PARP12: variants seen among roughly 807,000 people sequenced by gnomAD.
PARP12 encodes protein mono-ADP-ribosyltransferase PARP12.
PARP12 carries 59 observed loss-of-function variants against 72.4 expected under a neutral mutation model. That is an observed-to-expected ratio of 0.81 (90% CI 0.66 to 1.01). The LOEUF is 1.01. PARP12 is among the 50% of genes least tolerant of loss of function. PARP12 has a pLI of 0.00. For synonymous variants in PARP12, 403 were observed against 371.4 expected, an observed-to-expected ratio of 1.09 and a Z score of -0.98; for missense variants, 851 against 914.0, an observed-to-expected ratio of 0.93 and a Z score of 0.89.
At chr7:140,044,287 T>C (rs929900074) in intron 5 of PARP12, among the ~76,000 whole-genome samples, 4 of 152,208 alleles carry the variant, frequency 2.6e-5, no homozygotes, top group African/African-American at 7.2e-5. Context: ...TATTTGGAAA[T>C]AGGGTCTTTG....
At chr7:140,047,149 C>T in intron 4 of PARP12, 142 bp from the exon 5 acceptor site, 2 of 866,934 alleles carry the variant, frequency 2.3e-6, no homozygotes, top group African/African-American at 1.7e-5. Context: ...TCAGTGCCGG[C>T]ATGCCTGAGC....
Position 140,024,488 on chromosome 7 carries a change from A to C in PARP12, c.*72T>G. The C allele has an allele frequency of 6.7e-7, 1 of 1,486,620 alleles. No homozygotes were observed. 92.1% of individuals were successfully genotyped at this position (1,486,620 alleles called of 1,614,324 possible). Reference sequence around the variant, plus strand: ...ACAGTTCATTAAAAGTTTCTGTTTAAAAAGAAAAGGAAAGGCCCAAATAGC... The same window carrying C: ...ACAGTTCATTAAAAGTTTCTGTTTACAAAGAAAAGGAAAGGCCCAAATAGC... On this transcript the variant is annotated 3_prime_UTR_variant, in exon 12 of 12. Transcript: ENST00000263549.
chr7:140,058,355 T>TA (rs1562931899), intron 1 of PARP12, among the ~76,000 whole-genome samples: 3 of 151,804 alleles, frequency 2.0e-5, no homozygotes, highest in Non-Finnish European at 4.4e-5. Flanking sequence ...ACTAAAAATA[T>TA]AAAAAATTAG....
intron 4 of PARP12, among the ~76,000 whole-genome samples, chr7:140,048,752 T>G (rs1488881711): frequency 6.6e-6 from 1 of 152,218 alleles, no homozygotes; most frequent in African/African-American, 2.4e-5. Flanking sequence ...TATAATATAT[T>G]CCAAAAATTA....
rs151312847 is a variant in PARP12 at position 140,056,988 on chromosome 7, A to C, written c.628T>G (p.Leu210Val). ...TCTGAGCTCATACCCAACTTCTCCA[A>C]TTTTTCCAGATTCTCAGAATTAGAG... is the stretch of plus-strand genomic sequence containing the variant. The part of the protein sequence containing the change: ...DFSNSENLEK[L>V]EKLGMSSDLV... The change falls in exon 3 of 12, where the codon TTG (leucine) becomes GTG (valine). Residue 210 changes from leucine (L) to valine (V), a missense_variant. By Grantham distance (32) the Leu-to-Val change is conservative. This residue lies in a region of PARP12 where 492 missense variants were observed against 489.3 expected (regional missense o/e 1.01). Coordinates refer to ENST00000263549, the MANE Select transcript of PARP12 (RefSeq NM_022750.4). The C allele has an allele frequency of 7.6e-5, 122 of 1,614,046 alleles. No individual in the cohort carries two copies. The East Asian group carries it at 2.3e-3, about 31-fold the overall frequency.
At position 140,030,014 on chromosome 7, in the gene PARP12, G is replaced by A. The variant is rs374553169; in HGVS notation, c.1422-1326C>T. Among the ~76,000 whole-genome samples, 31 of 152,270 alleles carry A rather than the reference G, an allele frequency of 2.0e-4. 1 individual carries two copies. Among genetic ancestry groups the A allele is most frequent in the African/African-American group, 7.2e-4 (30 of 41,548 alleles). On this transcript the variant is annotated intron_variant, in intron 8 of 11. Coordinates refer to ENST00000263549, the MANE Select transcript of PARP12 (RefSeq NM_022750.4). ...GAGAACTGATGAGATGCACCTATCC[G>A]CAGCTTAAGAAGCCCAAAGAATCTC...
At chr7:140,055,547 CTTTTTA>C (rs1322188620) in intron 3 of PARP12, among the ~76,000 whole-genome samples, 1 of 152,080 alleles carries the variant, frequency 6.6e-6, no homozygotes, top group Non-Finnish European at 1.5e-5. Flanking sequence ...CTTCCCTTTT[CTTTTTA>C]TAAGCCCCTG....
intron 4 of PARP12, among the ~76,000 whole-genome samples, chr7:140,050,666 A>G (rs1816924019): frequency 6.6e-6 from 1 of 152,250 alleles, no homozygotes; most frequent in African/African-American, 2.4e-5. Flanking sequence ...CAGAATGATC[A>G]GAGTTAAGAG....
intron 5 of PARP12, 26 bp downstream of exon 5, chr7:140,046,858 G>T: frequency 1.3e-6 from 2 of 1,579,608 alleles, no homozygotes; most frequent in African/African-American, 1.4e-5. Flanking sequence ...CAGGCACAAA[G>T]CAGAGACAAG....
chr7:140,051,137 G>A (rs1369931371), intron 4 of PARP12, among the ~76,000 whole-genome samples: 1 of 152,168 alleles, frequency 6.6e-6, no homozygotes, highest in Admixed American at 6.6e-5. Context: ...TATGATGATG[G>A]CTGCCCAATT....
intron 8 of PARP12, among the ~76,000 whole-genome samples, chr7:140,032,002 G>C (rs1333313933): frequency 6.6e-6 from 1 of 151,666 alleles, no homozygotes; most frequent in Non-Finnish European, 1.5e-5. Flanking sequence ...ACAAAACGAG[G>C]GCCAACCTCC....
chr7:140,057,236 A>T, intron 2 of PARP12, 83 bp from the exon 3 acceptor site: 1 of 1,290,918 alleles, frequency 7.7e-7, no homozygotes, highest in Non-Finnish European at 1.1e-6. Context: ...CACTGGTGAG[A>T]AAGGGGCTTC....
intron 3 of PARP12, among the ~76,000 whole-genome samples, chr7:140,055,719 T>C (rs993701505): frequency 6.6e-6 from 1 of 152,220 alleles, no homozygotes; most frequent in Non-Finnish European, 1.5e-5. Context: ...GGCTGTAAGA[T>C]ACTCCTAAAG....
At chr7:140,035,890 AGAGGAGGAGGAC>A (rs1816136788) in intron 7 of PARP12, among the ~76,000 whole-genome samples, 1 of 119,128 alleles carries the variant, frequency 8.4e-6, no homozygotes, top group South Asian at 3.6e-4. Flanking sequence ...AGGAAGAGGA[AGAGGAGGAGGAC>A]GAGGAGGAGG....
chr7:140,047,930 T>A (rs995747583), intron 4 of PARP12, among the ~76,000 whole-genome samples: 1 of 152,192 alleles, frequency 6.6e-6, no homozygotes, highest in Admixed American at 6.5e-5. Context: ...TTTAGAAATA[T>A]GTATGTTGAT....
In PARP12 at chr7:140,040,956, T is replaced by C. The variant is rs537895627; in HGVS notation, c.1182+688A>G. ...CCAATTTTTGTATTTTTAGTAGAGA[T>C]GGGGTTTCACCATGTTGGCCAGGCT... On this transcript the variant is annotated intron_variant, in intron 6 of 11. Transcript: ENST00000263549. 2.0e-5 allele frequency among the ~76,000 whole-genome samples: 3 copies of C among 152,232 alleles called. 1 individual carries two copies. The highest frequency in any genetic ancestry group is 7.2e-5 in the African/African-American group (3 of 41,552).
chr7:140,030,222 T>C (rs1815887617), intron 8 of PARP12, among the ~76,000 whole-genome samples: 1 of 152,162 alleles, frequency 6.6e-6, no homozygotes, highest in Non-Finnish European at 1.5e-5. Flanking sequence ...AGTGGAGTGA[T>C]CATCACAATG....
chr7:140,050,293 C>T (rs544763640), intron 4 of PARP12, among the ~76,000 whole-genome samples: 1 of 152,202 alleles, frequency 6.6e-6, no homozygotes, highest in African/African-American at 2.4e-5. Flanking sequence ...GAGCCCCTGG[C>T]AGAGGCACTC....
At chr7:140,057,325 C>G in intron 2 of PARP12, 172 bp from the exon 3 acceptor site, 1 of 684,034 alleles carries the variant, frequency 1.5e-6, no homozygotes, top group Non-Finnish European at 2.4e-6. Context: ...AACAAATGCC[C>G]TTGGCTAAAA....
Sources: gnomAD v4.1 joint callset for allele counts (sites outside exome capture counted in the v4.1 genomes callset) on GRCh38, gnomAD v4.1.1 for gene constraint, gnomAD v4.1.1 regional missense constraint, MANE v1.5 for transcripts, NCBI Gene and HGNC (gene_info 2026-07-23, HGNC 2026-07-21) for gene names.